The following SERINC3 variants were observed in gnomAD, a reference collection of about 807,000 sequenced individuals.
SERINC3 encodes serine incorporator 3.
SERINC3 carries 22 observed loss-of-function variants against 52.1 expected under a neutral mutation model. The ratio of observed to expected loss-of-function variants is 0.42; its 90% CI spans 0.30 to 0.60. The LOEUF is 0.60. SERINC3 is among the 20% of genes least tolerant of loss of function. The pLI is 0.16. For missense variants in SERINC3, 564 were observed against 584.6 expected (o/e 0.96, Z 0.36); for synonymous variants, 226 against 212.7 (o/e 1.06, Z -0.54).
chr20:44,507,070 C>G lies in SERINC3; in HGVS notation c.614-74G>C, dbSNP rs563335729. The G allele has an allele frequency of 9.0e-4, 1,054 of 1,169,280 alleles. 5 individuals carry two copies. The highest frequency in any genetic ancestry group is 1.9e-3 in the Middle Eastern group (9 of 4,812). The allele number at this position is 1,169,280 out of a possible 1,614,324, so 72.4% of individuals were successfully genotyped here. On this transcript the variant is annotated intron_variant, in intron 5 of 9. Coordinates refer to ENST00000342374, the MANE Select transcript of SERINC3 (RefSeq NM_006811.4). Reference sequence around the variant, plus strand: ...TAATGAAGGCCAATTTTCTTCCACTCCATATAAAAATGAGGAGACATTATG... The same window carrying G: ...TAATGAAGGCCAATTTTCTTCCACTGCATATAAAAATGAGGAGACATTATG...
intron 8 of SERINC3, 86 bp from the exon 9 acceptor site, chr20:44,501,386 G>C (rs2064279031): frequency 9.3e-7 from 1 of 1,070,756 alleles, no homozygotes; most frequent in African/African-American, 1.6e-5. Flanking sequence ...GACACTTACT[G>C]CTGAGCTGTT....
chr20:44,512,511 T>C (rs1034396311), intron 3 of SERINC3, among the ~76,000 whole-genome samples: 1 of 152,146 alleles, frequency 6.6e-6, no homozygotes, highest in Non-Finnish European at 1.5e-5. Context: ...GTACGTAGTA[T>C]CTAGCATAGT....
rs755750707 is a variant in SERINC3, at chr20:44,501,194, C to T, written c.1162G>A (p.Gly388Arg). 1 of 1,614,064 alleles carries T rather than the reference C, an allele frequency of 6.2e-7. No homozygotes were observed. Among genetic ancestry groups the T allele is most frequent in the Non-Finnish European group, 8.5e-7 (1 of 1,179,948 alleles). ...TTSGASDEED[G>R]QPRRAVDNEK... ...TTGTCCACAGCCCGCCGAGGCTGTC[C>T]ATCTTCTTCATCACTGGCACCACTG... The change falls in exon 9 of 10, where the codon GGA becomes AGA. Residue 388 changes from glycine to arginine, a missense_variant. Coordinates refer to ENST00000342374, the MANE Select transcript of SERINC3 (RefSeq NM_006811.4).
chr20:44,513,996 G>A lies in SERINC3; in HGVS notation c.84C>T (p.Cys28=). Residue 28 remains cysteine, a synonymous_variant, in exon 2 of 10, where the codon TGC becomes TGT. Transcript: ENST00000342374. ...CSGASCLLCS[C]CPNSKNSTVT... ...CCGTGGAATTCTTACTGTTAGGACAGCAACTACACAGCAAACATGAGGCAC... is the reference window on the plus strand; with the variant it reads ...CCGTGGAATTCTTACTGTTAGGACAACAACTACACAGCAAACATGAGGCAC... 6.2e-7 allele frequency: 1 copy of A among 1,614,146 alleles called. No homozygotes were observed. The highest frequency in any genetic ancestry group is 8.5e-7 in the Non-Finnish European group (1 of 1,180,008).
chr20:44,506,319 C>T lies in SERINC3; in HGVS notation c.783+508G>A, dbSNP rs1338415199. 2.1e-5 allele frequency among the ~76,000 whole-genome samples: 3 copies of T among 145,370 alleles called. No homozygotes were observed. The East Asian group carries it at 6.3e-4, about 30-fold the overall frequency. On this transcript the variant is annotated intron_variant, in intron 6 of 9. Transcript: ENST00000342374. ...AAAAAAAGACTCATTCCCGGCCAGG[C>T]GTGGTGGCTCACGCCTGTAATCCCA... is the stretch of plus-strand genomic sequence containing the variant.
chr20:44,500,511 A>G, intron 9 of SERINC3, 77 bp from the exon 10 acceptor site: 1 of 1,513,082 alleles, frequency 6.6e-7, no homozygotes, highest in Middle Eastern at 2.1e-4. Flanking sequence ...CCCCCCAGCC[A>G]AGGCCAAGAA....
rs780010992 is a variant in SERINC3, at chr20:44,511,341, A to G, written c.423T>C (p.Leu141=). The G allele has an allele frequency of 3.7e-6, 6 of 1,613,218 alleles. No individual in the cohort carries two copies. Among genetic ancestry groups the G allele is most frequent in the Non-Finnish European group, 5.1e-6 (6 of 1,179,152 alleles). The change falls in exon 4 of 10, where the codon CTT becomes CTC. Residue 141 remains leucine, a synonymous_variant. Transcript: ENST00000342374. ...NGFWFFKIAA[L]IGIMVGSFYI... ...AGAAAGAGCCAACCATGATTCCAATAAGGGCAGCAATTTTGAAGAACCAAA... is the reference window on the plus strand; with the variant it reads ...AGAAAGAGCCAACCATGATTCCAATGAGGGCAGCAATTTTGAAGAACCAAA...
At position 44,506,867 on chromosome 20, in the gene SERINC3, CA is replaced by C; in HGVS notation, c.742del (p.Cys248AlafsTer52). On this transcript the variant is annotated frameshift_variant, in exon 6 of 10. Transcript: ENST00000342374. LOFTEE classifies it high-confidence loss of function. ...KFFISINLIL[C>X]VVASIISIHP... is the part of the protein sequence containing the mutation. ...GATCGATATAATAGAAGCCACAACG[CA>C]AAGGATCAGGTTAATACTGATGAAG... 1 of 1,599,592 alleles carries C rather than the reference CA, an allele frequency of 6.3e-7. No individual in the cohort carries two copies. Among genetic ancestry groups the C allele is most frequent in the East Asian group, 2.3e-5 (1 of 44,350 alleles).
chr20:44,505,925 G>A (rs977108393), intron 6 of SERINC3, among the ~76,000 whole-genome samples: 4 of 152,102 alleles, frequency 2.6e-5, no homozygotes, highest in Admixed American at 6.5e-5. Context: ...TAGAACTCAA[G>A]AGCATGAGTT....
intron 1 of SERINC3, among the ~76,000 whole-genome samples, chr20:44,517,978 C>T (rs912080987): frequency 3.9e-5 from 6 of 152,146 alleles, no homozygotes; most frequent in Non-Finnish European, 7.3e-5. Context: ...GGAGTCATCC[C>T]GAATGCCTTC....
intron 6 of SERINC3, among the ~76,000 whole-genome samples, chr20:44,505,956 CA>C (rs1353531501): frequency 2.0e-5 from 3 of 151,952 alleles, no homozygotes; most frequent in Non-Finnish European, 4.4e-5. Flanking sequence ...ATATTAAAAT[CA>C]ATTATTTTTC....
rs75380658 is a variant in SERINC3 at position 44,501,675 on chromosome 20, C to T, written c.1056-375G>A. On this transcript the variant is annotated intron_variant, in intron 8 of 9. Transcript: ENST00000342374. The stretch of plus-strand genomic sequence containing the variant: ...CTGTCATGTCCTCTGGAAGGCCTTC[C>T]CTGACATCACCCCTCACTGGCTAGG... Among the ~76,000 whole-genome samples the T allele has an allele frequency of 1.8e-4, 28 of 152,282 alleles. No individual in the cohort carries two copies. The East Asian group carries it at 4.2e-3, about 23-fold the overall frequency.
chr20:44,511,706 A>C (rs1430729047), intron 3 of SERINC3, among the ~76,000 whole-genome samples: 2 of 152,228 alleles, frequency 1.3e-5, no homozygotes, highest in African/African-American at 2.4e-5. Flanking sequence ...CACAGCCATT[A>C]ACTGTTAAGG....
chr20:44,505,672 C>T (rs1415597622), intron 6 of SERINC3, among the ~76,000 whole-genome samples: 2 of 151,714 alleles, frequency 1.3e-5, no homozygotes, highest in African/African-American at 4.8e-5. Context: ...AATCTCAGCT[C>T]ACTGCTACCT....
intron 5 of SERINC3, among the ~76,000 whole-genome samples, chr20:44,509,236 A>C (rs539218493): frequency 6.8e-4 from 104 of 152,312 alleles, no homozygotes; most frequent in African/African-American, 2.4e-3. Flanking sequence ...CCCCTCTCTG[A>C]ATAAGGCCAT....
At chr20:44,509,515 T>C (rs574870591) in intron 5 of SERINC3, among the ~76,000 whole-genome samples, 1 of 152,308 alleles carries the variant, frequency 6.6e-6, no homozygotes, top group East Asian at 1.9e-4. Context: ...TGTGGATTTT[T>C]TTCCTTTTAT....
intron 7 of SERINC3, among the ~76,000 whole-genome samples, chr20:44,504,580 G>C (rs888298081): frequency 7.2e-5 from 11 of 152,160 alleles, no homozygotes; most frequent in Non-Finnish European, 1.6e-4. Context: ...ACCATCTAAA[G>C]GACTCTGACC....
intron 6 of SERINC3, 51 bp downstream of exon 6, chr20:44,506,776 G>C (rs746132721): frequency 3.1e-6 from 4 of 1,270,650 alleles, no homozygotes; most frequent in Non-Finnish European, 4.2e-6. Context: ...TAGATTTTAA[G>C]CTTAGAATTA....
At chr20:44,504,943 T>G (rs41303811) in intron 6 of SERINC3, 52 bp from the exon 7 acceptor site, 107,100 of 1,439,398 alleles carry the variant, frequency 0.074, 4,437 homozygotes, top group South Asian at 0.15. Context: ...GGGCTGACTT[T>G]CCAAAATGCA....
Sources: gnomAD v4.1 joint callset for allele counts (sites outside exome capture counted in the v4.1 genomes callset) on GRCh38, gnomAD v4.1.1 for gene constraint, MANE v1.5 for transcripts, NCBI Gene and HGNC (gene_info 2026-07-23, HGNC 2026-07-21) for gene names.